The following ATXN7L1 variants were observed in gnomAD, a reference collection of about 807,000 sequenced individuals.
ATXN7L1 encodes the protein ataxin-7-like protein 1.
A neutral mutation model predicts 70.8 loss-of-function variants in ATXN7L1; 15 were observed. The ratio of observed to expected loss-of-function variants is 0.21; its 90% CI spans 0.14 to 0.33. ATXN7L1 has a LOEUF of 0.33. Among genes scored for constraint, ATXN7L1 ranks in the 10% least tolerant of loss-of-function variants. The pLI, the probability that ATXN7L1 is intolerant of heterozygous loss-of-function variation, is 1.00. For missense variants in ATXN7L1, 975 were observed against 1,097.1 expected, an observed-to-expected ratio of 0.89 and a Z score of 1.57; for synonymous variants, 440 against 445.1, an observed-to-expected ratio of 0.99 and a Z score of 0.14.
In ATXN7L1 at chr7:105,876,390, G is replaced by A. The variant is rs761718025; in HGVS notation, c.169C>T (p.His57Tyr). ...GTGGGGTTCTTACTGTCGGAGCAGT[G>A]TAATTTGGCGGCGTCGATCCAGGAG... ...WSSWIDAAKL[H>Y]CSDNVDLEEA... Residue 57 changes from histidine to tyrosine, a missense_variant, in exon 1 of 12, where the codon CAC (histidine) becomes TAC (tyrosine). His to Tyr is a moderately conservative substitution (Grantham distance 83, BLOSUM62 2). Around this residue, in one of 5 missense-constraint regions of ATXN7L1, gnomAD observed 135 missense variants for 132.6 expected, o/e 1.02. Coordinates refer to ENST00000419735, the MANE Select transcript of ATXN7L1 (RefSeq NM_020725.2). 6.2e-7 allele frequency: 1 copy of A among 1,608,412 alleles called. No homozygotes were observed. Among genetic ancestry groups the A allele is most frequent in the South Asian group, 1.1e-5 (1 of 90,044 alleles).
intron 3 of ATXN7L1, among the ~76,000 whole-genome samples, chr7:105,782,600 G>A (rs546634583): frequency 6.6e-6 from 1 of 152,342 alleles, no homozygotes; most frequent in South Asian, 2.1e-4. Flanking sequence ...GAAGGACTGT[G>A]GCCAGCCCTG....
intron 4 of ATXN7L1, among the ~76,000 whole-genome samples, chr7:105,657,702 C>CAAAAAAAAAAAAA (rs71155465): frequency 8.4e-4 from 22 of 26,100 alleles, no homozygotes; most frequent in Non-Finnish European, 1.0e-3. Flanking sequence ...GACCCTGTCT[C>CAAAAAAAAAAAAA]AAAAAAAAAA....
chr7:105,683,205 A>G (rs1562999629), intron 3 of ATXN7L1, among the ~76,000 whole-genome samples: 1 of 152,248 alleles, frequency 6.6e-6, no homozygotes, highest in Non-Finnish European at 1.5e-5. Context: ...TGTGATACAT[A>G]AACACACACA....
intron 3 of ATXN7L1, among the ~76,000 whole-genome samples, chr7:105,738,198 C>T (rs1797624887): frequency 6.6e-6 from 1 of 152,198 alleles, no homozygotes; most frequent in Non-Finnish European, 1.5e-5. Context: ...TTTCGTGTGG[C>T]CTTGAAGGAT....
intron 2 of ATXN7L1, among the ~76,000 whole-genome samples, chr7:105,871,948 G>T (rs1818329125): frequency 6.6e-6 from 1 of 152,118 alleles, no homozygotes; most frequent in African/African-American, 2.4e-5. Context: ...GCAAGTCCTT[G>T]CTGTGTCTTC....
At chr7:105,643,654 T>A (rs1798581289) in intron 4 of ATXN7L1, among the ~76,000 whole-genome samples, 1 of 152,234 alleles carries the variant, frequency 6.6e-6, no homozygotes, top group South Asian at 2.1e-4. Context: ...CTGCACGGCG[T>A]GCTGTCGGAC....
intron 3 of ATXN7L1, among the ~76,000 whole-genome samples, chr7:105,683,875 C>A (rs1262886135): frequency 1.3e-5 from 2 of 152,182 alleles, no homozygotes; most frequent in African/African-American, 4.8e-5. Context: ...ATAAAGGAAT[C>A]ATCATTCTCC....
At chr7:105,774,876 C>T (rs545622624) in intron 3 of ATXN7L1, among the ~76,000 whole-genome samples, 55 of 152,098 alleles carry the variant, frequency 3.6e-4, no homozygotes, top group South Asian at 3.1e-3. Flanking sequence ...GAGAAGGCTT[C>T]GGAATTTGAG....
intron 2 of ATXN7L1, among the ~76,000 whole-genome samples, chr7:105,829,722 C>T (rs1415569974): frequency 6.6e-6 from 1 of 152,172 alleles, no homozygotes; most frequent in East Asian, 1.9e-4. Flanking sequence ...AGGCTACTTC[C>T]AAAGACAGAG....
chr7:105,736,146 T>A (rs1797347183), intron 3 of ATXN7L1, among the ~76,000 whole-genome samples: 1 of 152,180 alleles, frequency 6.6e-6, no homozygotes, highest in Non-Finnish European at 1.5e-5. Context: ...TCTGTGGGCT[T>A]CCCAGGACTG....
At chr7:105,799,208 G>A (rs1172411121) in intron 2 of ATXN7L1, among the ~76,000 whole-genome samples, 1 of 152,226 alleles carries the variant, frequency 6.6e-6, no homozygotes, top group Non-Finnish European at 1.5e-5. Flanking sequence ...CACAAGGAGA[G>A]GCCTTTGCCA....
intron 3 of ATXN7L1, among the ~76,000 whole-genome samples, chr7:105,738,249 C>T (rs2116352231): frequency 6.6e-6 from 1 of 152,334 alleles, no homozygotes. Flanking sequence ...AGCCCATTTG[C>T]TGCTGCTCCC....
chr7:105,754,401 C>T (rs1003013028), intron 3 of ATXN7L1, among the ~76,000 whole-genome samples: 3 of 145,848 alleles, frequency 2.1e-5, no homozygotes, highest in Non-Finnish European at 3.0e-5. Flanking sequence ...TTCTTTCTTT[C>T]TTTTTTTTTT....
In ATXN7L1 at chr7:105,688,706, G is replaced by A. The variant is rs1015096739; in HGVS notation, c.356-23418C>T. ...TGCACCAAAAGCCCAAGAACCCATG[G>A]TCAGTAACAGCAAGGTCAAGGTGGG... On this transcript the variant is annotated intron_variant, in intron 3 of 11. Transcript: ENST00000419735. Among the ~76,000 whole-genome samples, 12 of 152,188 alleles carry A rather than the reference G, an allele frequency of 7.9e-5. No individual in the cohort carries two copies. The East Asian group carries it at 2.3e-3, about 29-fold the overall frequency.
intron 10 of ATXN7L1, among the ~76,000 whole-genome samples, chr7:105,612,686 G>A (rs776738618): frequency 1.3e-5 from 2 of 152,246 alleles, no homozygotes; most frequent in Admixed American, 6.5e-5. Context: ...TGTGTCTCCC[G>A]CTCCTCTCAC....
intron 3 of ATXN7L1, 99 bp downstream of exon 3, chr7:105,788,505 G>A: frequency 1.0e-6 from 1 of 993,960 alleles, no homozygotes; most frequent in Admixed American, 1.8e-5. Flanking sequence ...CTCAGGCTGA[G>A]ACAAGACATG....
intron 2 of ATXN7L1, among the ~76,000 whole-genome samples, chr7:105,839,582 C>A (rs1018599995): frequency 2.0e-5 from 3 of 152,204 alleles, no homozygotes; most frequent in Non-Finnish European, 2.9e-5. Context: ...TGAGTCTTCT[C>A]CCTTTTCTCC....
intron 4 of ATXN7L1, chr7:105,649,632 T>A: frequency 1.1e-6 from 1 of 939,944 alleles, no homozygotes; most frequent in Non-Finnish European, 1.3e-6. Context: ...CAGGGCCAGC[T>A]GCCCACCTGC....
intron 2 of ATXN7L1, among the ~76,000 whole-genome samples, chr7:105,874,911 C>T (rs1244357561): frequency 6.6e-6 from 1 of 152,176 alleles, no homozygotes; most frequent in African/African-American, 2.4e-5. Flanking sequence ...CTTTCAATAC[C>T]ACCAACCTCT....
Sources: gnomAD v4.1 joint callset for allele counts (sites outside exome capture counted in the v4.1 genomes callset) on GRCh38, gnomAD v4.1.1 for gene constraint, gnomAD v4.1.1 regional missense constraint, MANE v1.5 for transcripts, NCBI Gene and HGNC (gene_info 2026-07-23, HGNC 2026-07-21) for gene names.